FMN2: variants seen among roughly 807,000 people sequenced by gnomAD.
The protein encoded by FMN2 is formin 2.
Under a neutral mutation model 142.3 loss-of-function variants are expected in FMN2, and 51 were observed. The ratio of observed to expected loss-of-function variants is 0.36; its 90% CI spans 0.29 to 0.45. The LOEUF (loss-of-function observed/expected upper bound fraction) is 0.45. Among genes scored for constraint, FMN2 ranks in the 20% least tolerant of loss-of-function variants. The pLI, the probability that FMN2 is intolerant of heterozygous loss-of-function variation, is 1.00. For missense variants in FMN2, 1,936 were observed against 2,122.8 expected (o/e 0.91, Z 1.73); for synonymous variants, 882 against 869.8 (o/e 1.01, Z -0.25).
intron 14 of FMN2, among the ~76,000 whole-genome samples, chr1:240,361,141 G>GAAATAAATAAATAAA (rs1558452494): frequency 1.2e-4 from 5 of 43,240 alleles, no homozygotes; most frequent in African/African-American, 7.6e-4. Flanking sequence ...AAATATATGT[G>GAAATAAATAAATAAA]TATATATATA....
At chr1:240,317,021 A>T (rs1670805557) in intron 8 of FMN2, among the ~76,000 whole-genome samples, 1 of 152,116 alleles carries the variant, frequency 6.6e-6, no homozygotes, top group African/African-American at 2.4e-5. Context: ...TCAAGATGTA[A>T]AACAGGACGA....
chr1:240,388,240 A>T (rs1184798734), intron 14 of FMN2, among the ~76,000 whole-genome samples: 1 of 148,346 alleles, frequency 6.7e-6, no homozygotes, highest in African/African-American at 2.5e-5. Flanking sequence ...AAAAAAAAAA[A>T]AAAAAAAAAA....
At chr1:240,182,034 A>T (rs1665176717) in intron 3 of FMN2, among the ~76,000 whole-genome samples, 1 of 152,206 alleles carries the variant, frequency 6.6e-6, no homozygotes, top group African/African-American at 2.4e-5. Context: ...GTACTTAAAT[A>T]TTTGAGTGAA....
At chr1:240,428,598 C>T (rs902099158) in intron 15 of FMN2, among the ~76,000 whole-genome samples, 4 of 152,196 alleles carry the variant, frequency 2.6e-5, no homozygotes, top group East Asian at 1.9e-4. Context: ...TTGGATATGA[C>T]ACTCCAGGTT....
chr1:240,437,078 G>GA (rs1353073884), intron 15 of FMN2, among the ~76,000 whole-genome samples: 1 of 152,152 alleles, frequency 6.6e-6, no homozygotes, highest in Non-Finnish European at 1.5e-5. Context: ...TGTGAAGTCA[G>GA]AAACCTACCA....
At position 240,214,569 on chromosome 1, in the gene FMN2, AAAAG is replaced by A. The variant is rs1362454964; in HGVS notation, c.4065+3338_4065+3341del. Among the ~76,000 whole-genome samples, 5 of 151,666 alleles carry A rather than the reference AAAAG, an allele frequency of 3.3e-5. No homozygotes were observed. The South Asian group carries it at 6.3e-4, about 19-fold the overall frequency. On this transcript the variant is annotated intron_variant, in intron 6 of 17. Coordinates refer to ENST00000319653, the MANE Select transcript of FMN2 (RefSeq NM_020066.5). The stretch of plus-strand genomic sequence containing the variant: ...CCATCTCAAAAAAAAAAAAAAAAGA[AAAAG>A]AAAAAGAAAAAGTGATCTCTTATGA...
At chr1:240,403,858 A>G (rs1674067234) in intron 15 of FMN2, among the ~76,000 whole-genome samples, 1 of 152,224 alleles carries the variant, frequency 6.6e-6, no homozygotes, top group African/African-American at 2.4e-5. Flanking sequence ...TAAAGAGAAT[A>G]CACTACATTC....
intron 13 of FMN2, 56 bp downstream of exon 13, chr1:240,334,285 G>A: frequency 1.3e-6 from 2 of 1,485,496 alleles, no homozygotes; most frequent in Middle Eastern, 3.7e-4. Context: ...ATGAGAGAAG[G>A]CAGACTTTTC....
chr1:240,162,028 G>C (rs1664301434), intron 2 of FMN2, among the ~76,000 whole-genome samples: 1 of 151,880 alleles, frequency 6.6e-6, no homozygotes, highest in Non-Finnish European at 1.5e-5. Flanking sequence ...GCGCTTTAGG[G>C]GGCTGAGATG....
chr1:240,339,452 G>T (rs114836931), intron 13 of FMN2, among the ~76,000 whole-genome samples: 242 of 152,044 alleles, frequency 1.6e-3, no homozygotes, highest in African/African-American at 5.7e-3. Context: ...GCTGCTCCAA[G>T]CATCCACTGG....
At chr1:240,299,130 G>A (rs1670100285) in intron 8 of FMN2, among the ~76,000 whole-genome samples, 1 of 151,784 alleles carries the variant, frequency 6.6e-6, no homozygotes, top group African/African-American at 2.4e-5. Context: ...GTATTTTTAG[G>A]AGAGACTGGG....
intron 7 of FMN2, among the ~76,000 whole-genome samples, chr1:240,267,964 C>G (rs1668874107): frequency 1.3e-5 from 2 of 151,956 alleles, no homozygotes; most frequent in South Asian, 4.1e-4. Context: ...TTATGAGATA[C>G]CATTTTACAC....
intron 4 of FMN2, among the ~76,000 whole-genome samples, chr1:240,191,272 G>A (rs114764846): frequency 0.011 from 1,693 of 152,358 alleles, 14 homozygotes; most frequent in Non-Finnish European, 0.018. Flanking sequence ...TTCTGAGAGT[G>A]CGATATCCCT....
At position 240,156,077 on chromosome 1, in the gene FMN2, AAAC is replaced by A. The variant is rs887465487; in HGVS notation, c.1783-21826_1783-21824del. On this transcript the variant is annotated intron_variant, in intron 2 of 17. Transcript: ENST00000319653. The stretch of plus-strand genomic sequence containing the variant: ...AACATAGTCAGACTCTGTCTCTACT[AAAC>A]AACAACAACAACAACAAAAAGTCAG... Among the ~76,000 whole-genome samples the A allele has an allele frequency of 1.7e-3, 255 of 152,030 alleles. 3 individuals carry two copies. The highest frequency in any genetic ancestry group is 5.5e-3 in the African/African-American group (228 of 41,466).
chr1:240,328,167 A>AAAAAAG lies in FMN2; in HGVS notation c.4216-898_4216-893dup, dbSNP rs796164696. Among the ~76,000 whole-genome samples, 569 of 140,396 alleles carry AAAAAAG rather than the reference A, an allele frequency of 4.1e-3. 2 individuals are homozygous for AAAAAAG. The highest frequency in any genetic ancestry group is 5.6e-3 in the South Asian group (24 of 4,292). 92.1% of individuals were successfully genotyped at this position (140,396 alleles called of 152,430 possible). ...CATCTCAAAAAAAAAAAAAAAAAAA[A>AAAAAAG]AAAAAGAAAAAGAAAATCCAGCAAA... is the stretch of plus-strand genomic sequence containing the variant. On this transcript the variant is annotated intron_variant, in intron 8 of 17. Transcript: ENST00000319653.
At chr1:240,101,929 A>G (rs561430646) in intron 1 of FMN2, among the ~76,000 whole-genome samples, 2 of 152,228 alleles carry the variant, frequency 1.3e-5, no homozygotes, top group East Asian at 3.9e-4. Context: ...ATACTGAGTC[A>G]TTACTTTTAG....
chr1:240,327,559 AT>A (rs1490080643), intron 8 of FMN2, among the ~76,000 whole-genome samples: 2 of 152,208 alleles, frequency 1.3e-5, no homozygotes, highest in Non-Finnish European at 2.9e-5. Flanking sequence ...ATAGTGGTCT[AT>A]TCTTAATGCA....
At chr1:240,361,128 AATAAATATATGTGTATATATATATATAT>A (rs1426499702) in intron 14 of FMN2, among the ~76,000 whole-genome samples, 2 of 58,034 alleles carry the variant, frequency 3.4e-5, no homozygotes, top group African/African-American at 1.8e-4. Flanking sequence ...AATAATAATA[AATAAATATATGTGTATATATATATATAT>A]ATATATATAT....
At chr1:240,289,478 G>A (rs1669702650) in intron 7 of FMN2, among the ~76,000 whole-genome samples, 1 of 151,896 alleles carries the variant, frequency 6.6e-6, no homozygotes, top group African/African-American at 2.4e-5. Context: ...GACCGGCCTG[G>A]GCAACATAGC....
Sources: allele counts gnomAD v4.1 joint callset (sites outside exome capture counted in the v4.1 genomes callset), GRCh38; gene constraint gnomAD v4.1.1; transcripts MANE v1.5; gene names NCBI Gene and HGNC (gene_info 2026-07-23, HGNC 2026-07-21).